NRG3: variants seen among roughly 807,000 people sequenced by gnomAD.
The protein encoded by NRG3 is pro-neuregulin-3, membrane-bound isoform.
A neutral mutation model predicts 66.9 loss-of-function variants in NRG3; 31 were observed. That is an observed-to-expected ratio of 0.46 (90% confidence interval 0.35 to 0.63). The LOEUF is 0.63. Ranked by LOEUF, NRG3 falls within the 20% of genes least tolerant of loss-of-function variation. The pLI is 0.00. For missense variants in NRG3, 910 were observed against 878.9 expected, an observed-to-expected ratio of 1.04 and a Z score of -0.45; for synonymous variants, 393 against 359.4, an observed-to-expected ratio of 1.09 and a Z score of -1.06.
At chr10:82,193,878 C>G (rs1022239489) in intron 1 of NRG3, among the ~76,000 whole-genome samples, 1 of 152,142 alleles carries the variant, frequency 6.6e-6, no homozygotes, top group Non-Finnish European at 1.5e-5. Context: ...GGCATTGACA[C>G]TGAATAACCC....
intron 2 of NRG3, among the ~76,000 whole-genome samples, chr10:82,603,831 A>C (rs2047791852): frequency 6.6e-6 from 1 of 152,224 alleles, no homozygotes; most frequent in South Asian, 2.1e-4. Flanking sequence ...TTCTCTATAC[A>C]CATGGCATTG....
At chr10:82,887,130 T>C (rs1842788506) in intron 4 of NRG3, among the ~76,000 whole-genome samples, 1 of 152,208 alleles carries the variant, frequency 6.6e-6, no homozygotes, top group Non-Finnish European at 1.5e-5. Context: ...GCCTTGTTAT[T>C]TTCAAAGGGT....
At chr10:82,424,342 C>T (rs1286938947) in intron 2 of NRG3, among the ~76,000 whole-genome samples, 1 of 151,942 alleles carries the variant, frequency 6.6e-6, no homozygotes, top group Admixed American at 6.6e-5. Flanking sequence ...TATTAATCAT[C>T]CTATTGGATG....
At chr10:82,137,890 C>G (rs1317699915) in intron 1 of NRG3, among the ~76,000 whole-genome samples, 4 of 152,114 alleles carry the variant, frequency 2.6e-5, no homozygotes, top group East Asian at 1.9e-4. Flanking sequence ...CTAACATGCC[C>G]TTAGTGCTTT....
At chr10:82,822,887 T>C (rs1471317355) in intron 3 of NRG3, among the ~76,000 whole-genome samples, 1 of 151,828 alleles carries the variant, frequency 6.6e-6, no homozygotes, top group Non-Finnish European at 1.5e-5. Context: ...TTCAAAATAG[T>C]GGTGTGAGGT....
At chr10:82,161,186 GC>G (rs1165530393) in intron 1 of NRG3, among the ~76,000 whole-genome samples, 1 of 152,102 alleles carries the variant, frequency 6.6e-6, no homozygotes, top group Non-Finnish European at 1.5e-5. Context: ...TGAGCCTGGA[GC>G]CCCAGGAAGT....
At chr10:82,175,571 C>T (rs1215608300) in intron 1 of NRG3, among the ~76,000 whole-genome samples, 2 of 152,206 alleles carry the variant, frequency 1.3e-5, no homozygotes, top group Non-Finnish European at 2.9e-5. Context: ...TTTCAAGACT[C>T]AGTTCTGAAG....
intron 1 of NRG3, among the ~76,000 whole-genome samples, chr10:81,993,928 A>G (rs993876227): frequency 1.3e-5 from 2 of 152,164 alleles, no homozygotes; most frequent in Non-Finnish European, 2.9e-5. Flanking sequence ...TATAGTGTGA[A>G]GATTTCCCCA....
intron 1 of NRG3, among the ~76,000 whole-genome samples, chr10:82,078,909 G>C (rs954557278): frequency 1.3e-5 from 2 of 152,130 alleles, no homozygotes; most frequent in African/African-American, 4.8e-5. Context: ...CAAAGGCTTT[G>C]GTTGGTGACT....
chr10:82,027,018 C>T (rs966641270), intron 1 of NRG3, among the ~76,000 whole-genome samples: 1 of 151,956 alleles, frequency 6.6e-6, no homozygotes, highest in Non-Finnish European at 1.5e-5. Context: ...TTCATGGGGG[C>T]AGCTAATGAT....
intron 1 of NRG3, among the ~76,000 whole-genome samples, chr10:82,294,708 C>T (rs1487589213): frequency 6.6e-6 from 1 of 152,088 alleles, no homozygotes; most frequent in East Asian, 1.9e-4. Flanking sequence ...TACACACTAC[C>T]TTGGGTTCTT....
chr10:82,792,750 A>G (rs1044946443), intron 3 of NRG3, among the ~76,000 whole-genome samples: 3 of 151,878 alleles, frequency 2.0e-5, no homozygotes, highest in African/African-American at 7.3e-5. Flanking sequence ...GCATGCCCTC[A>G]GCTCACCGCA....
intron 1 of NRG3, among the ~76,000 whole-genome samples, chr10:82,011,366 G>C (rs761758669): frequency 4.6e-5 from 7 of 152,104 alleles, no homozygotes; most frequent in Non-Finnish European, 8.8e-5. Flanking sequence ...CCCCACCCTT[G>C]ACAAATGGGA....
intron 2 of NRG3, among the ~76,000 whole-genome samples, chr10:82,521,345 G>A (rs757277230): frequency 6.6e-6 from 1 of 151,946 alleles, no homozygotes; most frequent in Non-Finnish European, 1.5e-5. Flanking sequence ...GGTGATTACG[G>A]ACTTTTTTTT....
Position 82,442,784 on chromosome 10 carries a change from A to ATTTTTTTTTTTTTTTTTTTTTT in NRG3, c.953+83926_953+83947dup, listed in dbSNP as rs61261285. Among the ~76,000 whole-genome samples the ATTTTTTTTTTTTTTTTTTTTTT allele has an allele frequency of 1.3e-4, 7 of 54,274 alleles. 2 individuals are homozygous for ATTTTTTTTTTTTTTTTTTTTTT. Among genetic ancestry groups the ATTTTTTTTTTTTTTTTTTTTTT allele is most frequent in the African/African-American group, 2.7e-4 (3 of 11,008 alleles). The allele number at this position is 54,274 out of a possible 152,430, so 35.6% of individuals were successfully genotyped here. A position where few individuals can be genotyped will look rare whatever the true frequency, so the allele number is the denominator to read the frequency against. ...CACCAAAGATCTTATTTCTGTGTGG[A>ATTTTTTTTTTTTTTTTTTTTTT]TTTTTTTTTTTTTTTTTTTTTTTTT... On this transcript the variant is annotated intron_variant, in intron 2 of 8. Coordinates refer to ENST00000372141, the MANE Select transcript of NRG3 (RefSeq NM_001010848.4).
At chr10:82,939,949 A>G (rs536194928) in intron 4 of NRG3, among the ~76,000 whole-genome samples, 1 of 151,792 alleles carries the variant, frequency 6.6e-6, no homozygotes, top group South Asian at 2.1e-4. Flanking sequence ...CTCAGAAGCT[A>G]TTGAGTTCAC....
intron 2 of NRG3, among the ~76,000 whole-genome samples, chr10:82,458,401 G>C (rs553596332): frequency 6.6e-6 from 1 of 152,258 alleles, no homozygotes; most frequent in Admixed American, 6.5e-5. Context: ...AGGTGCCAGG[G>C]TACAAAGATG....
intron 3 of NRG3, among the ~76,000 whole-genome samples, chr10:82,828,837 G>A (rs549787117): frequency 1.1e-4 from 16 of 152,214 alleles, no homozygotes; most frequent in East Asian, 9.7e-4. Flanking sequence ...AGCTTCTTCC[G>A]CCTTCCCTTA....
chr10:82,408,284 G>A (rs1157482398), intron 2 of NRG3, among the ~76,000 whole-genome samples: 4 of 152,074 alleles, frequency 2.6e-5, no homozygotes, highest in Non-Finnish European at 5.9e-5. Flanking sequence ...AGTATACATC[G>A]TGTAATCAAA....
Sources: gnomAD v4.1 joint callset for allele counts (sites outside exome capture counted in the v4.1 genomes callset) on GRCh38, gnomAD v4.1.1 for gene constraint, MANE v1.5 for transcripts, NCBI Gene and HGNC (gene_info 2026-07-23, HGNC 2026-07-21) for gene names.